Variants in HTR1F observed in about 807,000 individuals in gnomAD.
The protein encoded by HTR1F is 5-hydroxytryptamine (serotonin) receptor 1F, G protein-coupled.
A neutral mutation model predicts 24.0 loss-of-function variants in HTR1F; 17 were observed. The ratio of observed to expected loss-of-function variants is 0.71; its 90% CI spans 0.48 to 1.06. The LOEUF (loss-of-function observed/expected upper bound fraction) is 1.06. Ranked by LOEUF, HTR1F falls within the 50% of genes least tolerant of loss-of-function variation. The pLI is 0.00. For missense variants in HTR1F, 391 were observed against 427.8 expected, an observed-to-expected ratio of 0.91 and a Z score of 0.76; for synonymous variants, 186 against 156.8, an observed-to-expected ratio of 1.19 and a Z score of -1.39.
chr3:87,917,942 C>T (rs1169839462), intron 2 of HTR1F, among the ~76,000 whole-genome samples: 2 of 151,918 alleles, frequency 1.3e-5, no homozygotes, highest in East Asian at 3.9e-4. Flanking sequence ...GACCAATATC[C>T]CTGATGAACG....
chr3:87,853,278 T>G (rs937350641), intron 2 of HTR1F, among the ~76,000 whole-genome samples: 37 of 152,196 alleles, frequency 2.4e-4, no homozygotes, highest in African/African-American at 8.7e-4. Context: ...TGTCCATGTG[T>G]TCTCATCATT....
chr3:87,970,850 C>T (rs567652600), intron 2 of HTR1F, among the ~76,000 whole-genome samples: 2 of 152,310 alleles, frequency 1.3e-5, no homozygotes, highest in East Asian at 3.9e-4. Context: ...GTTTCTTTTC[C>T]ACTCTTATAT....
At chr3:87,983,694 C>A (rs929875676) in intron 2 of HTR1F, among the ~76,000 whole-genome samples, 3 of 152,112 alleles carry the variant, frequency 2.0e-5, no homozygotes, top group African/African-American at 7.2e-5. Context: ...ATCTGCATCC[C>A]AATTCCTGAT....
At chr3:87,883,595 C>A (rs1705861918) in intron 2 of HTR1F, among the ~76,000 whole-genome samples, 1 of 151,920 alleles carries the variant, frequency 6.6e-6, no homozygotes, top group Admixed American at 6.6e-5. Flanking sequence ...AAACTAAAAA[C>A]TAGAAAAAAG....
At chr3:87,946,388 A>G (rs1704705606) in intron 2 of HTR1F, among the ~76,000 whole-genome samples, 1 of 152,180 alleles carries the variant, frequency 6.6e-6, no homozygotes, top group East Asian at 1.9e-4. Flanking sequence ...CCTGAAAAAT[A>G]ATTTAAAAAT....
intron 1 of HTR1F, among the ~76,000 whole-genome samples, chr3:87,810,895 G>GT (rs1442921286): frequency 6.6e-6 from 1 of 152,136 alleles, no homozygotes; most frequent in African/African-American, 2.4e-5. Flanking sequence ...CATCTGACCA[G>GT]TATGTGTATA....
intron 2 of HTR1F, among the ~76,000 whole-genome samples, chr3:87,963,062 TGATAA>T (rs1705094823): frequency 6.6e-6 from 1 of 152,102 alleles, no homozygotes; most frequent in Admixed American, 6.6e-5. Flanking sequence ...ATTTATACTC[TGATAA>T]TGATATTTTA....
At chr3:87,949,221 T>G (rs1704780879) in intron 2 of HTR1F, among the ~76,000 whole-genome samples, 1 of 152,306 alleles carries the variant, frequency 6.6e-6, no homozygotes, top group Non-Finnish European at 1.5e-5. Flanking sequence ...CAAAGATCCT[T>G]TAGGGTAGTT....
In HTR1F at chr3:87,991,943, G is replaced by A; in HGVS notation, c.*93G>A. The A allele has an allele frequency of 2.8e-6, 3 of 1,075,666 alleles. No individual in the cohort carries two copies. Among genetic ancestry groups the A allele is most frequent in the South Asian group, 1.9e-5 (1 of 54,004 alleles). The allele number at this position is 1,075,666 out of a possible 1,614,324, so 66.6% of individuals were successfully genotyped here. A position where few individuals can be genotyped will look rare whatever the true frequency, so the allele number is the denominator to read the frequency against. ...TAATAAAACACTTAAGCTTTTAGAG[G>A]GAAATACATGAAAACTGCTAAATTG... On this transcript the variant is annotated 3_prime_UTR_variant, in exon 3 of 3. Coordinates refer to ENST00000319595, the MANE Select transcript of HTR1F (RefSeq NM_001322209.2).
At chr3:87,805,208 T>C (rs1355029539) in intron 1 of HTR1F, among the ~76,000 whole-genome samples, 1 of 152,104 alleles carries the variant, frequency 6.6e-6, no homozygotes, top group Non-Finnish European at 1.5e-5. Flanking sequence ...GCAAGGTTTT[T>C]TTTTTTACCA....
intron 2 of HTR1F, among the ~76,000 whole-genome samples, chr3:87,844,084 A>C (rs924408055): frequency 1.2e-4 from 18 of 149,504 alleles, no homozygotes; most frequent in Admixed American, 2.6e-4. Flanking sequence ...CTAGTTCTAG[A>C]TCCCTGAGGA....
chr3:87,943,151 A>C (rs1367936805), intron 2 of HTR1F, among the ~76,000 whole-genome samples: 1 of 152,170 alleles, frequency 6.6e-6, no homozygotes, highest in African/African-American at 2.4e-5. Context: ...CTACACTGGC[A>C]ACTGCCTGCT....
chr3:87,875,847 C>T (rs1023947476), intron 2 of HTR1F, among the ~76,000 whole-genome samples: 6 of 151,086 alleles, frequency 4.0e-5, no homozygotes, highest in African/African-American at 1.5e-4. Flanking sequence ...TGGCTTGAAC[C>T]CAGGAGGTGG....
intron 2 of HTR1F, among the ~76,000 whole-genome samples, chr3:87,823,922 G>A (rs550107494): frequency 9.8e-4 from 149 of 151,960 alleles, no homozygotes; most frequent in African/African-American, 3.5e-3. Context: ...AGCTGGGCAT[G>A]GTGGCGCGCC....
intron 2 of HTR1F, among the ~76,000 whole-genome samples, chr3:87,945,367 T>C (rs1428147028): frequency 1.3e-5 from 2 of 152,124 alleles, no homozygotes; most frequent in Non-Finnish European, 2.9e-5. Flanking sequence ...GTCTGAACCA[T>C]TAGTACCTAG....
chr3:87,965,379 T>G (rs1411553730), intron 2 of HTR1F, among the ~76,000 whole-genome samples: 1 of 152,178 alleles, frequency 6.6e-6, no homozygotes, highest in Non-Finnish European at 1.5e-5. Context: ...TCCTATCATT[T>G]TTTGCACAAT....
intron 2 of HTR1F, among the ~76,000 whole-genome samples, chr3:87,896,219 C>T (rs1706196133): frequency 1.3e-5 from 2 of 152,130 alleles, no homozygotes; most frequent in Non-Finnish European, 2.9e-5. Context: ...CTGAAAAGAG[C>T]TTTACCTGCT....
At chr3:87,962,388 A>G (rs1369659215) in intron 2 of HTR1F, among the ~76,000 whole-genome samples, 8 of 152,148 alleles carry the variant, frequency 5.3e-5, no homozygotes, top group Non-Finnish European at 1.2e-4. Context: ...ATCAATAAAT[A>G]GCTTTATTTG....
chr3:87,812,027 G>A (rs1341612976), intron 1 of HTR1F, among the ~76,000 whole-genome samples: 3 of 152,116 alleles, frequency 2.0e-5, no homozygotes, highest in African/African-American at 7.2e-5. Context: ...CCATGATTGT[G>A]CGTTTCCTGA....
Sources: allele counts gnomAD v4.1 joint callset (sites outside exome capture counted in the v4.1 genomes callset), GRCh38; gene constraint gnomAD v4.1.1; transcripts MANE v1.5; gene names NCBI Gene and HGNC (gene_info 2026-07-23, HGNC 2026-07-21).